HSF4: variants seen among roughly 807,000 people sequenced by gnomAD.
HSF4 encodes the protein heat shock factor protein 4.
A neutral mutation model predicts 52.0 loss-of-function variants in HSF4; 41 were observed. The observed-to-expected ratio is 0.79, with a 90% confidence interval of 0.61 to 1.02. The LOEUF (loss-of-function observed/expected upper bound fraction) is 1.02. Ranked by LOEUF, HSF4 falls within the 50% of genes least tolerant of loss-of-function variation. HSF4 has a pLI of 0.00. For synonymous variants in HSF4, 285 were observed against 273.0 expected, an observed-to-expected ratio of 1.04 and a Z score of -0.43; for missense variants, 610 against 651.1, an observed-to-expected ratio of 0.94 and a Z score of 0.69.
At position 67,169,065 on chromosome 16, in the gene HSF4, A is replaced by G. The variant is rs1442771376; in HGVS notation, c.1218A>G (p.Glu406=). 9 of 1,613,574 alleles carry G rather than the reference A, an allele frequency of 5.6e-6. No individual in the cohort carries two copies. The highest frequency in any genetic ancestry group is 4.0e-5 in the African/African-American group (3 of 74,896). Residue 406 remains glutamate (E), a synonymous_variant, in exon 11 of 13, where the codon GAA becomes GAG. Coordinates refer to ENST00000521374, the MANE Select transcript of HSF4 (RefSeq NM_001374675.1). This position sits in a 1 kb window ranked among gnomAD's most constrained non-coding sequence, Gnocchi z 4.3. ...DVLGPSLQGR[E]WTLMDLDMEL... ...TGGGCCCCAGTCTCCAAGGGCGAGAATGGACCCTGATGGACTTGGACATGG... is the reference window on the plus strand; with the variant it reads ...TGGGCCCCAGTCTCCAAGGGCGAGAGTGGACCCTGATGGACTTGGACATGG...
Position 67,169,120 on chromosome 16 carries a change from A to T in HSF4, c.1254+19A>T, listed in dbSNP as rs750095901. On this transcript the variant is annotated intron_variant, in intron 11 of 12. Coordinates refer to ENST00000521374, the MANE Select transcript of HSF4 (RefSeq NM_001374675.1). This position sits in a 1 kb window ranked among gnomAD's most constrained non-coding sequence, Gnocchi z 4.3. ...GTCCTTGGTAAGAAGTGGGTCGGGG[A>T]GGGCAGAGGCCAGGGGTGGCTGAGT... 17 of 1,610,884 alleles carry T rather than the reference A, an allele frequency of 1.1e-5. No individual in the cohort carries two copies. The East Asian group carries it at 3.3e-4, about 32-fold the overall frequency.
intron 7 of HSF4, 70 bp downstream of exon 7, chr16:67,167,292 T>C: frequency 6.2e-7 from 1 of 1,610,852 alleles, no homozygotes; most frequent in African/African-American, 1.3e-5. Flanking sequence ...CTTCTCCCCA[T>C]CCCCTAAAAG....
rs1226307918 is a variant in HSF4, at chr16:67,166,392, C to T, written c.558C>T (p.Gly186=). ...QSHGQQHRVI[G]KLIQCLFGPL... ...ACGGTCAGCAGCACCGGGTCATTGG[C>T]AAGGTGTTCCTCTCCCCAAGCCTCG... The change falls in exon 5 of 13, where the codon GGC becomes GGT. Residue 186 remains glycine, a synonymous_variant. Coordinates refer to ENST00000521374, the MANE Select transcript of HSF4 (RefSeq NM_001374675.1). 6.2e-7 allele frequency: 1 copy of T among 1,609,032 alleles called. No homozygotes were observed. The highest frequency in any genetic ancestry group is 2.2e-5 in the East Asian group (1 of 44,582).
In HSF4 at chr16:67,169,535, T is replaced by A. The variant is rs568549374; in HGVS notation, c.1325-96T>A. 801 of 1,597,734 alleles carry A rather than the reference T, an allele frequency of 5.0e-4. 5 individuals carry two copies. The African/African-American group carries it at 9.8e-3, about 20-fold the overall frequency. On this transcript the variant is annotated intron_variant, in intron 12 of 12. Transcript: ENST00000521374. This position sits in a 1 kb window ranked among gnomAD's most constrained non-coding sequence, Gnocchi z 4.3. ...GGGGAGGTTAAGAATGGATGTTTTA[T>A]CCTAACTGAGCAGAAGGCAGGCGGG...
Position 67,169,491 on chromosome 16 carries a change from C to A in HSF4, c.1325-140C>A. ...GAGCGTTCCTTGAGCCACCCATGCC[C>A]TCACCATTGGGCGAGAGTGGGGAGG... On this transcript the variant is annotated intron_variant, in intron 12 of 12. Coordinates refer to ENST00000521374, the MANE Select transcript of HSF4 (RefSeq NM_001374675.1). This position sits in a 1 kb window ranked among gnomAD's most constrained non-coding sequence, Gnocchi z 4.3. 6.3e-7 allele frequency: 1 copy of A among 1,579,976 alleles called. No individual in the cohort carries two copies. The highest frequency in any genetic ancestry group is 1.3e-5 in the African/African-American group (1 of 74,378).
In HSF4 at chr16:67,169,367, C is replaced by T. The variant is rs761683065; in HGVS notation, c.1324+19C>T. ...AGCCCAGGTAATGGTTGTGATGACT[C>T]CTACCTGGGAGGACGCCGTGATTGG... is the stretch of plus-strand genomic sequence containing the variant. On this transcript the variant is annotated intron_variant, in intron 12 of 12. Transcript: ENST00000521374. The surrounding 1 kb of genome is among the most constrained non-coding windows in gnomAD (Gnocchi z 4.3). The T allele has an allele frequency of 1.9e-6, 3 of 1,609,606 alleles. No homozygotes were observed. The highest frequency in any genetic ancestry group is 1.1e-5 in the South Asian group (1 of 90,224).
intron 9 of HSF4, 64 bp from the exon 10 acceptor site, chr16:67,168,767 T>C: frequency 1.6e-6 from 2 of 1,226,448 alleles, no homozygotes; most frequent in South Asian, 1.2e-5. Flanking sequence ...TTGATGCATC[T>C]GGGTTCCTTG....
Position 67,165,211 on chromosome 16 carries a change from C to T in HSF4, c.123+277C>T, listed in dbSNP as rs1286285625. ...ATCCGACAGATGGGAAAACAGAGGC[C>T]GGGAGATGGGAAGGGCTGGTCTAGC... is the stretch of plus-strand genomic sequence containing the variant. On this transcript the variant is annotated intron_variant, in intron 1 of 12. Transcript: ENST00000521374. The surrounding 1 kb of genome is among the most constrained non-coding windows in gnomAD (Gnocchi z 6.9). The T allele has an allele frequency of 8.4e-6, 5 of 592,360 alleles. No homozygotes were observed. The highest frequency in any genetic ancestry group is 1.5e-5 in the Non-Finnish European group (5 of 333,198). 36.7% of individuals were successfully genotyped at this position (592,360 alleles called of 1,614,324 possible). A position where few individuals can be genotyped will look rare whatever the true frequency, so the allele number is the denominator to read the frequency against.
chr16:67,167,117 C>G lies in HSF4; in HGVS notation c.627-3C>G. On this transcript the variant is annotated splice_region_variant and splice_polypyrimidine_tract_variant and intron_variant, in intron 6 of 12. Transcript: ENST00000521374. ...CCTGCCTGTGCCCTGATCGACCACA[C>G]AGGTCCCTGATGCTGGATGAGGGGA... 1 of 1,614,150 alleles carries G rather than the reference C, an allele frequency of 6.2e-7. No individual in the cohort carries two copies. The highest frequency in any genetic ancestry group is 8.5e-7 in the Non-Finnish European group (1 of 1,180,006).
At position 67,169,645 on chromosome 16, in the gene HSF4, C is replaced by T. The variant is rs765921573; in HGVS notation, c.1339C>T (p.Leu447Phe). The T allele has an allele frequency of 1.6e-5, 25 of 1,609,192 alleles. No individual in the cohort carries two copies. In the South Asian group the frequency reaches 2.3e-4, roughly 15 times the overall value. Reference sequence around the variant, plus strand: ...ACTTCTCCTAGGGAAGGACCCCACGCTCGGGGCCCCACTCCTGCTGGATGT... The same window carrying T: ...ACTTCTCCTAGGGAAGGACCCCACGTTCGGGGCCCCACTCCTGCTGGATGT... Reference protein sequence around the residue: ...NSPSPGKDPTLGAPLLLDVQA... With the variant: ...NSPSPGKDPTFGAPLLLDVQA... The change falls in exon 13 of 13, where the codon CTC (leucine) becomes TTC (phenylalanine). Residue 447 changes from leucine to phenylalanine, a missense_variant. By Grantham distance (22) the Leu-to-Phe change is conservative. Transcript: ENST00000521374. This position sits in a 1 kb window ranked among gnomAD's most constrained non-coding sequence, Gnocchi z 4.3.
Position 67,168,866 on chromosome 16 carries a change from CAGAG to C in HSF4, c.1121_1124del (p.Glu374ValfsTer21). The C allele has an allele frequency of 6.2e-7, 1 of 1,613,986 alleles. No individual in the cohort carries two copies. Among genetic ancestry groups the C allele is most frequent in the East Asian group, 2.2e-5 (1 of 44,884 alleles). Reference sequence around the variant, plus strand: ...GGCCTGGAAAGCGGGGACAGGAGCCCAGAGAGTCTGCTGCCTCCGATGCTGCTTC... The same window carrying C: ...GGCCTGGAAAGCGGGGACAGGAGCCCAGTCTGCTGCCTCCGATGCTGCTTC... On this transcript the variant is annotated frameshift_variant, in exon 10 of 13. Transcript: ENST00000521374. LOFTEE classifies it high-confidence loss of function.
rs182365484 is a variant in HSF4, at chr16:67,169,781, C to A, written c.1475C>A (p.Pro492His). ...TTGGGCCCGGAAGCCAGTCCCTCCC[C>A]CTAAGACCCCGCGCCTCTGAAGGGG... Reference protein sequence around the residue: ...SYLGPEASPSP With the variant: ...SYLGPEASPSH The change falls in exon 13 of 13, where the codon CCC becomes CAC. Residue 492 changes from proline to histidine, a missense_variant. Pro to His is a moderately conservative substitution (Grantham distance 77, BLOSUM62 -2). Transcript: ENST00000521374. This position sits in a 1 kb window ranked among gnomAD's most constrained non-coding sequence, Gnocchi z 4.3. 1.5e-4 allele frequency: 248 copies of A among 1,613,008 alleles called. 1 individual carries two copies. The highest frequency in any genetic ancestry group is 2.0e-4 in the Non-Finnish European group (232 of 1,180,012).
At position 67,169,481 on chromosome 16, in the gene HSF4, C is replaced by T. The variant is rs1224908907; in HGVS notation, c.1324+133C>T. 6 of 1,574,072 alleles carry T rather than the reference C, an allele frequency of 3.8e-6. No individual in the cohort carries two copies. The highest frequency in any genetic ancestry group is 5.2e-6 in the Non-Finnish European group (6 of 1,163,674). ...CTGCACTGCAGAGCGTTCCTTGAGC[C>T]ACCCATGCCCTCACCATTGGGCGAG... On this transcript the variant is annotated intron_variant, in intron 12 of 12. Transcript: ENST00000521374. The surrounding 1 kb of genome is among the most constrained non-coding windows in gnomAD (Gnocchi z 4.3).
chr16:67,166,519 G>T (rs950713309), intron 5 of HSF4, 39 bp from the exon 6 acceptor site: 1 of 1,611,264 alleles, frequency 6.2e-7, no homozygotes, highest in Non-Finnish European at 8.5e-7. Flanking sequence ...TGGGGGGGCT[G>T]TGTCCAAAGT....
At chr16:67,167,044 G>A (rs1341515480) in intron 6 of HSF4, 76 bp from the exon 7 acceptor site, 14 of 1,604,044 alleles carry the variant, frequency 8.7e-6, no homozygotes, top group South Asian at 2.2e-5. Flanking sequence ...GCCTGAGGGA[G>A]GGAGGGAAGT....
At chr16:67,164,681 A>C (rs1642856947), upstream of HSF4, 2 of 1,126,676 alleles carry the variant, frequency 1.8e-6, no homozygotes, top group Non-Finnish European at 2.4e-6. Context: ...GCGGGCTTGC[A>C]CGTGGCCCCC....
rs367756178 is a variant in HSF4 at position 67,169,782 on chromosome 16, C to A, written c.1476C>A (p.Pro492=). 446 of 1,613,158 alleles carry A rather than the reference C, an allele frequency of 2.8e-4. 1 individual carries two copies. The highest frequency in any genetic ancestry group is 6.7e-4 in the South Asian group (61 of 91,086). Residue 492 remains proline, a synonymous_variant, in exon 13 of 13, where the codon CCC becomes CCA. Transcript: ENST00000521374. This position sits in a 1 kb window ranked among gnomAD's most constrained non-coding sequence, Gnocchi z 4.3. ...SYLGPEASPS[P] is the part of the protein sequence containing the mutation. The stretch of plus-strand genomic sequence containing the variant: ...TGGGCCCGGAAGCCAGTCCCTCCCC[C>A]TAAGACCCCGCGCCTCTGAAGGGGC...
chr16:67,165,690 G>C lies in HSF4; in HGVS notation c.233-29G>C. ...GGGGACTCGGTGCCGGGGATGGGGC[G>C]ACCCACGCCCCCACGCCCCACTCCC... On this transcript the variant is annotated intron_variant, in intron 2 of 12. Coordinates refer to ENST00000521374, the MANE Select transcript of HSF4 (RefSeq NM_001374675.1). The surrounding 1 kb of genome is among the most constrained non-coding windows in gnomAD (Gnocchi z 6.9). The C allele has an allele frequency of 6.2e-7, 1 of 1,611,898 alleles. No individual in the cohort carries two copies. The highest frequency in any genetic ancestry group is 8.5e-7 in the Non-Finnish European group (1 of 1,179,748).
rs1597237640 is a variant in HSF4, at chr16:67,165,430, T to C, written c.124-92T>C. ...GGACCCAAGAGTGAGCATGAGTGTGTGCGCGCGCTGGAGCGCAGGACTGGC... is the reference window on the plus strand; with the variant it reads ...GGACCCAAGAGTGAGCATGAGTGTGCGCGCGCGCTGGAGCGCAGGACTGGC... On this transcript the variant is annotated intron_variant, in intron 1 of 12. Coordinates refer to ENST00000521374, the MANE Select transcript of HSF4 (RefSeq NM_001374675.1). This position sits in a 1 kb window ranked among gnomAD's most constrained non-coding sequence, Gnocchi z 6.9. 8.6e-7 allele frequency: 1 copy of C among 1,162,922 alleles called. No individual in the cohort carries two copies. The highest frequency in any genetic ancestry group is 1.3e-6 in the Non-Finnish European group (1 of 774,106). The allele number at this position is 1,162,922 out of a possible 1,614,324, so 72.0% of individuals were successfully genotyped here.
Sources: gnomAD v4.1 joint callset for allele counts on GRCh38, gnomAD v4.1.1 for gene constraint, Gnocchi (gnomAD v3.1) non-coding constraint, MANE v1.5 for transcripts, NCBI Gene and HGNC (gene_info 2026-07-23, HGNC 2026-07-21) for gene names.